TECPR2: variants seen among roughly 807,000 people sequenced by gnomAD.
The protein encoded by TECPR2 is tectonin beta-propeller repeat containing 2.
TECPR2 carries 65 observed loss-of-function variants against 138.1 expected under a neutral mutation model. The observed-to-expected ratio is 0.47, with a 90% CI of 0.39 to 0.58. TECPR2 has a LOEUF of 0.58. TECPR2 is among the 20% of genes least tolerant of loss of function. The pLI is 0.00. For missense variants in TECPR2, 1,553 were observed against 1,824.5 expected, an observed-to-expected ratio of 0.85 and a Z score of 2.71; for synonymous variants, 746 against 749.8, an observed-to-expected ratio of 0.99 and a Z score of 0.08.
chr14:102,460,279 G>A (rs1215663250), intron 16 of TECPR2, among the ~76,000 whole-genome samples: 2 of 149,202 alleles, frequency 1.3e-5, no homozygotes, highest in African/African-American at 5.0e-5. Flanking sequence ...GCGACAGAAT[G>A]AGACTCTGTC....
At chr14:102,370,538 C>T (rs1002068771) in intron 1 of TECPR2, among the ~76,000 whole-genome samples, 1 of 152,170 alleles carries the variant, frequency 6.6e-6, no homozygotes. Context: ...AGAGGCCAGG[C>T]CTGTTGTAAT....
intron 9 of TECPR2, among the ~76,000 whole-genome samples, chr14:102,437,508 T>G (rs1889699951): frequency 6.6e-6 from 1 of 151,912 alleles, no homozygotes; most frequent in African/African-American, 2.4e-5. Context: ...GAGCCGAGAT[T>G]GTGCCCCTGT....
At chr14:102,489,180 C>T (rs769716652) in intron 17 of TECPR2, among the ~76,000 whole-genome samples, 9 of 152,100 alleles carry the variant, frequency 5.9e-5, no homozygotes, top group Non-Finnish European at 1.0e-4. Flanking sequence ...CTGTGCCCAA[C>T]CTAGTTCCAG....
At chr14:102,439,258 A>G in intron 10 of TECPR2, among the ~76,000 whole-genome samples, 1 of 152,272 alleles carries the variant, frequency 6.6e-6, no homozygotes, top group East Asian at 1.9e-4. Flanking sequence ...CTGTCAGGAC[A>G]TTGGAATAGA....
chr14:102,469,798 T>C (rs920042976), intron 17 of TECPR2, among the ~76,000 whole-genome samples: 18 of 152,326 alleles, frequency 1.2e-4, no homozygotes, highest in African/African-American at 3.1e-4. Context: ...GTGTTTGTTA[T>C]GATGAAAGGG....
intron 16 of TECPR2, among the ~76,000 whole-genome samples, chr14:102,455,062 C>T (rs140503423): frequency 0.014 from 2,081 of 152,206 alleles, 21 homozygotes; most frequent in South Asian, 0.022. Context: ...AGGTTTCTCT[C>T]GGGGAGAAAC....
chr14:102,464,393 G>GTT (rs201710403), intron 16 of TECPR2, among the ~76,000 whole-genome samples: 1 of 150,600 alleles, frequency 6.6e-6, no homozygotes, highest in Non-Finnish European at 1.5e-5. Flanking sequence ...ACTTAGTTTT[G>GTT]TTTTTTTTTG....
chr14:102,367,993 CCTTTTTTTTTTTTTTTT>C (rs1567310831), intron 1 of TECPR2, among the ~76,000 whole-genome samples: 10 of 101,122 alleles, frequency 9.9e-5, no homozygotes, highest in Admixed American at 3.1e-4. Context: ...TGCTTATTGG[CCTTTTTTTTTTTTTTTT>C]TTTTTTTTTT....
At chr14:102,383,093 T>C (rs981702523) in intron 2 of TECPR2, among the ~76,000 whole-genome samples, 4 of 152,152 alleles carry the variant, frequency 2.6e-5, no homozygotes, top group African/African-American at 9.7e-5. Context: ...TGAATTTATA[T>C]GTGTATGCCT....
rs543035743 is a variant in TECPR2 at position 102,454,323 on chromosome 14, G to A, written c.3640+1696G>A. ...GGCAGTGGTTGGTGTGCTCAGCCCC[G>A]GGGGCTCCTACAGGGTGCTGAGTAG... On this transcript the variant is annotated intron_variant, in intron 16 of 19. Transcript: ENST00000359520. Among the ~76,000 whole-genome samples the A allele has an allele frequency of 3.3e-5, 5 of 152,264 alleles. No individual in the cohort carries two copies. In the South Asian group the frequency reaches 8.3e-4, roughly 25 times the overall value.
At chr14:102,439,881 T>A (rs1889783556) in intron 10 of TECPR2, among the ~76,000 whole-genome samples, 1 of 152,184 alleles carries the variant, frequency 6.6e-6, no homozygotes, top group East Asian at 1.9e-4. Flanking sequence ...TCCTCCTCCA[T>A]CTCTTCATCA....
intron 16 of TECPR2, among the ~76,000 whole-genome samples, chr14:102,452,870 C>T (rs997490400): frequency 2.0e-5 from 3 of 152,176 alleles, no homozygotes; most frequent in South Asian, 4.1e-4. Flanking sequence ...GGAGGGTGTG[C>T]GTCCTCAGGT....
In TECPR2 at chr14:102,443,944, A is replaced by T. The variant is rs1054097730; in HGVS notation, c.2933+117A>T. ...CTGGGAGGCAGCACCTGCAGCCTCC[A>T]TGGCTATAGGCTAAGCTTGAATCTC... On this transcript the variant is annotated intron_variant, in intron 12 of 19. Transcript: ENST00000359520. The surrounding 1 kb of genome is among the most constrained non-coding windows in gnomAD (Gnocchi z 4.9). 3 of 986,562 alleles carry T rather than the reference A, an allele frequency of 3.0e-6. No individual in the cohort carries two copies. The highest frequency in any genetic ancestry group is 3.3e-5 in the African/African-American group (2 of 61,484). The allele number at this position is 986,562 out of a possible 1,614,324, so 61.1% of individuals were successfully genotyped here.
intron 17 of TECPR2, among the ~76,000 whole-genome samples, chr14:102,488,817 A>C (rs1891096342): frequency 6.6e-6 from 1 of 151,744 alleles, no homozygotes; most frequent in East Asian, 1.9e-4. Context: ...CATGAGATTT[A>C]CCGTTAGTGA....
At chr14:102,375,443 A>G (rs1887619217) in intron 1 of TECPR2, among the ~76,000 whole-genome samples, 2 of 152,192 alleles carry the variant, frequency 1.3e-5, no homozygotes, top group South Asian at 2.1e-4. Flanking sequence ...GTACGGCCTC[A>G]TGAAAGAGGG....
At chr14:102,399,578 C>T (rs1050303255) in intron 2 of TECPR2, among the ~76,000 whole-genome samples, 4 of 152,078 alleles carry the variant, frequency 2.6e-5, no homozygotes, top group African/African-American at 9.7e-5. Context: ...TGCCTGTAAT[C>T]CCATCACTTT....
intron 2 of TECPR2, among the ~76,000 whole-genome samples, chr14:102,400,455 T>TA (rs1447553504): frequency 6.6e-6 from 1 of 152,246 alleles, no homozygotes; most frequent in African/African-American, 2.4e-5. Context: ...TATAAAGGTA[T>TA]AATTTTGTGA....
rs148657062 is a variant in TECPR2, at chr14:102,371,584, C to T, written c.-72-5066C>T. The stretch of plus-strand genomic sequence containing the variant: ...GTCCTGACTCATCTGGGTGCTATGG[C>T]TTACGGGCCTCTAGATATCCTTTGG... On this transcript the variant is annotated intron_variant, in intron 1 of 19. Transcript: ENST00000359520. Among the ~76,000 whole-genome samples, 425 of 152,276 alleles carry T rather than the reference C, an allele frequency of 2.8e-3. 3 individuals carry two copies. The highest frequency in any genetic ancestry group is 9.8e-3 in the African/African-American group (408 of 41,556).
At chr14:102,480,335 C>T (rs1401987303) in intron 17 of TECPR2, among the ~76,000 whole-genome samples, 1 of 152,054 alleles carries the variant, frequency 6.6e-6, no homozygotes, top group Non-Finnish European at 1.5e-5. Context: ...CGCCATTCTC[C>T]TGCCTCAGCC....
Sources: allele counts gnomAD v4.1 joint callset (sites outside exome capture counted in the v4.1 genomes callset), GRCh38; gene constraint gnomAD v4.1.1; non-coding constraint Gnocchi (gnomAD v3.1); transcripts MANE v1.5; gene names NCBI Gene and HGNC (gene_info 2026-07-23, HGNC 2026-07-21).